Variants in ST6GALNAC3 observed in about 807,000 individuals in gnomAD.
The protein encoded by ST6GALNAC3 is ST6 N-acetylgalactosaminide alpha-2,6-sialyltransferase 3, also known as alpha-N-acetylgalactosaminide alpha-2,6-sialyltransferase 3.
A neutral mutation model predicts 32.7 loss-of-function variants in ST6GALNAC3; 25 were observed. The observed-to-expected ratio is 0.76, with a 90% CI of 0.56 to 1.07. The LOEUF (loss-of-function observed/expected upper bound fraction) is 1.07, where lower values mean the gene tolerates loss of function less well. Ranked by LOEUF, ST6GALNAC3 falls within the 50% of genes least tolerant of loss-of-function variation. The pLI is 0.00. For synonymous variants in ST6GALNAC3, 129 were observed against 133.1 expected, an observed-to-expected ratio of 0.97 and a Z score of 0.21; for missense variants, 355 against 382.4, an observed-to-expected ratio of 0.93 and a Z score of 0.60.
chr1:76,227,149 T>C (rs750047170), intron 1 of ST6GALNAC3, among the ~76,000 whole-genome samples: 19 of 152,164 alleles, frequency 1.2e-4, no homozygotes, highest in Non-Finnish European at 2.2e-4. Context: ...TGTATTTCAA[T>C]TTTTAAAAAG....
intron 1 of ST6GALNAC3, among the ~76,000 whole-genome samples, chr1:76,170,270 G>A (rs541388251): frequency 2.4e-4 from 36 of 152,170 alleles, no homozygotes; most frequent in Non-Finnish European, 4.6e-4. Flanking sequence ...CGGGGTGCCT[G>A]CCTCCATGTG....
chr1:76,239,534 T>C (rs750710360), intron 1 of ST6GALNAC3, among the ~76,000 whole-genome samples: 1 of 151,938 alleles, frequency 6.6e-6, no homozygotes, highest in Non-Finnish European at 1.5e-5. Flanking sequence ...GTGTGTCACA[T>C]GGTGAGAGAG....
intron 3 of ST6GALNAC3, among the ~76,000 whole-genome samples, chr1:76,601,774 A>C (rs1259189808): frequency 6.6e-6 from 1 of 152,212 alleles, no homozygotes; most frequent in East Asian, 1.9e-4. Context: ...AGCCTTTTGC[A>C]CTGGAATGAG....
At chr1:76,441,872 G>C (rs887890226) in intron 3 of ST6GALNAC3, among the ~76,000 whole-genome samples, 15 of 152,260 alleles carry the variant, frequency 9.9e-5, no homozygotes, top group African/African-American at 3.6e-4. Flanking sequence ...GCTCCCTGAG[G>C]ACACATATTA....
At chr1:76,148,377 G>A (rs371536817) in intron 1 of ST6GALNAC3, among the ~76,000 whole-genome samples, 11 of 152,084 alleles carry the variant, frequency 7.2e-5, no homozygotes, top group South Asian at 2.1e-4. Flanking sequence ...GAAGGTTTCC[G>A]GGGCTATATT....
chr1:76,622,261 C>A (rs570138494), intron 3 of ST6GALNAC3, among the ~76,000 whole-genome samples: 1 of 152,094 alleles, frequency 6.6e-6, no homozygotes, highest in South Asian at 2.1e-4. Flanking sequence ...ACTTTTTCTG[C>A]ATTCCTAATT....
rs544771893 is a variant in ST6GALNAC3, at chr1:76,425,374, C to T, written c.623+12957C>T. ...AAACATCCTGTTTACTAACATACAACCATACGCCCTCACCCGCGTACACTC... is the reference window on the plus strand; with the variant it reads ...AAACATCCTGTTTACTAACATACAATCATACGCCCTCACCCGCGTACACTC... On this transcript the variant is annotated intron_variant, in intron 3 of 4. Transcript: ENST00000328299. 3.3e-5 allele frequency among the ~76,000 whole-genome samples: 5 copies of T among 152,072 alleles called. No individual in the cohort carries two copies. In the South Asian group the frequency reaches 1.0e-3, roughly 32 times the overall value.
intron 3 of ST6GALNAC3, among the ~76,000 whole-genome samples, chr1:76,562,779 A>G (rs963998968): frequency 6.6e-5 from 10 of 152,242 alleles, no homozygotes; most frequent in African/African-American, 2.4e-4. Context: ...TGGAGATTAT[A>G]GACTGTATCA....
chr1:76,281,696 G>C (rs1659505577), intron 1 of ST6GALNAC3, among the ~76,000 whole-genome samples: 1 of 152,200 alleles, frequency 6.6e-6, no homozygotes. Flanking sequence ...TCAGCATCTT[G>C]TTCTCATTTT....
rs200669281 is a variant in ST6GALNAC3 at position 76,368,529 on chromosome 1, G to A, written c.214-43479G>A. On this transcript the variant is annotated intron_variant, in intron 2 of 4. Coordinates refer to ENST00000328299, the MANE Select transcript of ST6GALNAC3 (RefSeq NM_152996.4). ...GTACTGACTGATTTCTGGTTGTCTGGAGACTTGCTCTCTGCACTTCAGAGT... is the reference window on the plus strand; with the variant it reads ...GTACTGACTGATTTCTGGTTGTCTGAAGACTTGCTCTCTGCACTTCAGAGT... 5.3e-5 allele frequency among the ~76,000 whole-genome samples: 8 copies of A among 151,478 alleles called. No homozygotes were observed. The East Asian group carries it at 7.7e-4, about 15-fold the overall frequency.
At chr1:76,390,930 T>TTG (rs1553189518) in intron 2 of ST6GALNAC3, among the ~76,000 whole-genome samples, 1 of 98,236 alleles carries the variant, frequency 1.0e-5, no homozygotes, top group Non-Finnish European at 2.6e-5. Context: ...ATTAAAATGC[T>TTG]TATATATATA....
chr1:76,456,030 CA>C (rs1303521392), intron 3 of ST6GALNAC3, among the ~76,000 whole-genome samples: 1 of 152,002 alleles, frequency 6.6e-6, no homozygotes, highest in Non-Finnish European at 1.5e-5. Flanking sequence ...ACCAAAAATA[CA>C]GAAGTTATTC....
intron 3 of ST6GALNAC3, among the ~76,000 whole-genome samples, chr1:76,586,514 A>G (rs1436514801): frequency 6.6e-6 from 1 of 152,134 alleles, no homozygotes; most frequent in Admixed American, 6.6e-5. Flanking sequence ...TCCTACTCCT[A>G]TTATCACTCA....
intron 1 of ST6GALNAC3, among the ~76,000 whole-genome samples, chr1:76,125,787 AC>A (rs1166757128): frequency 6.6e-6 from 1 of 151,920 alleles, no homozygotes; most frequent in Non-Finnish European, 1.5e-5. Flanking sequence ...CTTTTCTTTA[AC>A]ACCAGATCTC....
Position 76,630,410 on chromosome 1 carries a change from T to G in ST6GALNAC3, c.*1604T>G. On this transcript the variant is annotated 3_prime_UTR_variant, in exon 5 of 5. Coordinates refer to ENST00000328299, the MANE Select transcript of ST6GALNAC3 (RefSeq NM_152996.4). The stretch of plus-strand genomic sequence containing the variant: ...AGGAAATGAAGGCAGAGAAATATAG[T>G]TTCCTTTCCTAGGATTGAGACAATT... 3.0e-6 allele frequency: 3 copies of G among 985,222 alleles called. No homozygotes were observed. In the South Asian group the frequency reaches 1.4e-4, roughly 46 times the overall value. The allele number at this position is 985,222 out of a possible 1,614,324, so 61.0% of individuals were successfully genotyped here. A position where few individuals can be genotyped will look rare whatever the true frequency, so the allele number is the denominator to read the frequency against.
chr1:76,235,973 G>T (rs1042175327), intron 1 of ST6GALNAC3, among the ~76,000 whole-genome samples: 1 of 151,252 alleles, frequency 6.6e-6, no homozygotes. Flanking sequence ...TTTGTTTTTT[G>T]TTTGTTTGTT....
chr1:76,459,508 G>C (rs1658126801), intron 3 of ST6GALNAC3, among the ~76,000 whole-genome samples: 1 of 151,624 alleles, frequency 6.6e-6, no homozygotes, highest in Admixed American at 6.6e-5. Context: ...AGCTTGCAGT[G>C]AGTGGAGATT....
At chr1:76,190,455 ACAAGT>A (rs963528857) in intron 1 of ST6GALNAC3, among the ~76,000 whole-genome samples, 2 of 152,256 alleles carry the variant, frequency 1.3e-5, no homozygotes, top group African/African-American at 4.8e-5. Context: ...ATAAAACAAG[ACAAGT>A]CAAGTAAAAC....
At chr1:76,145,332 C>T (rs116045898) in intron 1 of ST6GALNAC3, among the ~76,000 whole-genome samples, 193 of 152,268 alleles carry the variant, frequency 1.3e-3, no homozygotes, top group African/African-American at 4.6e-3. Flanking sequence ...CATCCAACCC[C>T]GCTGCCCCTC....
Sources: gnomAD v4.1 joint callset for allele counts (sites outside exome capture counted in the v4.1 genomes callset) on GRCh38, gnomAD v4.1.1 for gene constraint, MANE v1.5 for transcripts, NCBI Gene and HGNC (gene_info 2026-07-23, HGNC 2026-07-21) for gene names.